Variants in LRRC49 observed in about 807,000 individuals in gnomAD.
LRRC49 encodes the protein leucine-rich repeat-containing protein 49.
In LRRC49, 50 loss-of-function variants were observed where a neutral mutation model predicts 83.3. That is an observed-to-expected ratio of 0.60 (90% confidence interval 0.48 to 0.76). LRRC49 has a LOEUF of 0.76. Among genes scored for constraint, LRRC49 ranks in the 30% least tolerant of loss-of-function variants. The pLI is 0.00. For synonymous variants in LRRC49, 286 were observed against 283.3 expected (o/e 1.01, Z -0.10); for missense variants, 704 against 809.1 (o/e 0.87, Z 1.58).
At chr15:70,912,451 A>AG (rs2034587661) in intron 6 of LRRC49, among the ~76,000 whole-genome samples, 1 of 152,128 alleles carries the variant, frequency 6.6e-6, no homozygotes, top group African/African-American at 2.4e-5. Context: ...GGATTGTACC[A>AG]GTTTGTACTC....
rs888667218 is a variant in LRRC49 at position 70,856,686 on chromosome 15, A to G, written c.-299+3217A>G. ...CCCTCATTTGCACTAGGGGTATTTC[A>G]TGGGAGAAGTCCAACTCGATCACGT... On this transcript the variant is annotated intron_variant, in intron 1 of 16. Transcript: ENST00000544974. 3.9e-5 allele frequency among the ~76,000 whole-genome samples: 6 copies of G among 152,296 alleles called. No individual in the cohort carries two copies. The East Asian group carries it at 5.8e-4, about 15-fold the overall frequency.
At chr15:70,943,150 A>C (rs893378986) in intron 8 of LRRC49, among the ~76,000 whole-genome samples, 1 of 151,122 alleles carries the variant, frequency 6.6e-6, no homozygotes, top group African/African-American at 2.4e-5. Context: ...AATCAGGTTG[A>C]TCCTGTTGAG....
chr15:70,996,438 C>CA (rs922034416), intron 11 of LRRC49, among the ~76,000 whole-genome samples: 11 of 152,088 alleles, frequency 7.2e-5, no homozygotes, highest in Non-Finnish European at 1.6e-4. Context: ...CTCCTTACAG[C>CA]ATTTGACGTA....
At chr15:70,880,407 A>G (rs142741490) in intron 2 of LRRC49, among the ~76,000 whole-genome samples, 176 of 152,332 alleles carry the variant, frequency 1.2e-3, no homozygotes, top group Non-Finnish European at 1.7e-3. Context: ...CTTAGTGAAC[A>G]CTTGTCTGGC....
At chr15:70,965,068 T>C (rs758785160) in intron 9 of LRRC49, among the ~76,000 whole-genome samples, 3 of 152,180 alleles carry the variant, frequency 2.0e-5, no homozygotes, top group Non-Finnish European at 4.4e-5. Context: ...AATTCAGCTC[T>C]ATAGTGTCAA....
chr15:70,933,050 T>C (rs1437232331), intron 7 of LRRC49, among the ~76,000 whole-genome samples: 1 of 152,120 alleles, frequency 6.6e-6, no homozygotes, highest in Non-Finnish European at 1.5e-5. Flanking sequence ...TTATGCAGTT[T>C]AGGGATATGG....
chr15:70,996,072 G>A (rs895955236), intron 11 of LRRC49, among the ~76,000 whole-genome samples: 1 of 152,030 alleles, frequency 6.6e-6, no homozygotes, highest in Non-Finnish European at 1.5e-5. Flanking sequence ...AAAGTGTCAT[G>A]GAAACACTAT....
At chr15:71,015,821 A>G (rs538872277) in intron 14 of LRRC49, among the ~76,000 whole-genome samples, 2 of 152,330 alleles carry the variant, frequency 1.3e-5, no homozygotes, top group African/African-American at 4.8e-5. Flanking sequence ...TTTTCTTTAC[A>G]TGAGCACAAA....
chr15:70,925,849 C>A (rs978804510), intron 7 of LRRC49, among the ~76,000 whole-genome samples: 1 of 152,072 alleles, frequency 6.6e-6, no homozygotes, highest in Non-Finnish European at 1.5e-5. Context: ...ATAAAATACA[C>A]AATCAACTGT....
intron 14 of LRRC49, among the ~76,000 whole-genome samples, chr15:71,018,586 T>A (rs958223746): frequency 1.3e-5 from 2 of 152,166 alleles, no homozygotes. Context: ...TTACTTTTCC[T>A]GCTCTTACAC....
Position 71,012,810 on chromosome 15 carries a change from C to T in LRRC49, c.1600C>T (p.Gln534Ter). 6.2e-7 allele frequency: 1 copy of T among 1,605,844 alleles called. No individual in the cohort carries two copies. Among genetic ancestry groups the T allele is most frequent in the Non-Finnish European group, 8.5e-7 (1 of 1,173,722 alleles). The change falls in exon 14 of 16, where the codon CAG (glutamine) becomes TAG (stop). Residue 534 changes from glutamine (Q) to a stop codon, truncating the protein, a stop_gained. Transcript: ENST00000260382. LOFTEE classifies it high-confidence loss of function. The part of the protein sequence containing the change: ...MQKINGTEVT[Q>*]NDMIMAERLF... ...TTCTATTGTGTCTCTTCAGGTGACA[C>T]AGAATGATATGATAATGGCTGAAAG...
intron 2 of LRRC49, among the ~76,000 whole-genome samples, chr15:70,873,502 T>G (rs1023700135): frequency 6.6e-6 from 1 of 152,190 alleles, no homozygotes; most frequent in Non-Finnish European, 1.5e-5. Flanking sequence ...TACAGTTGCA[T>G]GGGCTGACTG....
chr15:71,037,147 ACT>A (rs2141298348), intron 14 of LRRC49, 30 bp from the exon 15 acceptor site: 1 of 1,509,200 alleles, frequency 6.6e-7, no homozygotes, highest in East Asian at 2.3e-5. Flanking sequence ...CTGATAAGTA[ACT>A]CTCTAAATCT....
chr15:70,979,149 GA>G (rs1462624206), intron 9 of LRRC49, among the ~76,000 whole-genome samples: 7 of 152,060 alleles, frequency 4.6e-5, no homozygotes, highest in Non-Finnish European at 8.8e-5. Context: ...GTCTTCGGGG[GA>G]AAAATTGTCC....
intron 1 of LRRC49, among the ~76,000 whole-genome samples, chr15:70,855,324 G>A (rs918123685): frequency 1.5e-5 from 2 of 136,500 alleles, no homozygotes; most frequent in Non-Finnish European, 3.1e-5. Context: ...AACAGAGCGA[G>A]ACTCCGTCTC....
chr15:71,034,577 A>C (rs1258338356), intron 14 of LRRC49, among the ~76,000 whole-genome samples: 2 of 152,336 alleles, frequency 1.3e-5, no homozygotes, highest in East Asian at 1.9e-4. Flanking sequence ...TAACATGTAC[A>C]TGTATGTTTA....
intron 1 of LRRC49, among the ~76,000 whole-genome samples, chr15:70,857,455 C>T (rs2032680445): frequency 6.6e-6 from 1 of 152,004 alleles, no homozygotes; most frequent in Non-Finnish European, 1.5e-5. Context: ...ATGATGGCAC[C>T]ACTGCACTCC....
At chr15:70,868,474 T>C (rs974483250) in intron 1 of LRRC49, among the ~76,000 whole-genome samples, 2 of 152,210 alleles carry the variant, frequency 1.3e-5, no homozygotes, top group African/African-American at 2.4e-5. Flanking sequence ...GGGGAAACAC[T>C]GTGAGGGCTT....
chr15:70,952,991 C>T (rs2036274739), intron 8 of LRRC49, among the ~76,000 whole-genome samples: 1 of 152,088 alleles, frequency 6.6e-6, no homozygotes, highest in African/African-American at 2.4e-5. Context: ...ATAGATCTTT[C>T]TCCATTTCTT....
Sources: allele counts gnomAD v4.1 joint callset (sites outside exome capture counted in the v4.1 genomes callset), GRCh38; gene constraint gnomAD v4.1.1; transcripts MANE v1.5; gene names NCBI Gene and HGNC (gene_info 2026-07-23, HGNC 2026-07-21).